The following NFX1 variants were observed in gnomAD, a reference collection of about 807,000 sequenced individuals.
NFX1 encodes nuclear transcription factor, X-box binding 1.
A neutral mutation model predicts 137.2 loss-of-function variants in NFX1; 69 were observed. That is an observed-to-expected ratio of 0.50 (90% CI 0.41 to 0.61). NFX1 has a LOEUF of 0.61. Among genes scored for constraint, NFX1 ranks in the 20% least tolerant of loss-of-function variants. The pLI is 0.00. For synonymous variants in NFX1, 495 were observed against 474.1 expected, an observed-to-expected ratio of 1.04 and a Z score of -0.57; for missense variants, 1,167 against 1,391.0, an observed-to-expected ratio of 0.84 and a Z score of 2.56.
intron 2 of NFX1, among the ~76,000 whole-genome samples, chr9:33,300,525 T>C (rs1401114514): frequency 6.6e-6 from 1 of 152,230 alleles, no homozygotes; most frequent in Non-Finnish European, 1.5e-5. Flanking sequence ...AAAAAGCATA[T>C]ACACACACTC....
chr9:33,315,623 G>C (rs1254928503), intron 7 of NFX1, among the ~76,000 whole-genome samples: 2 of 151,798 alleles, frequency 1.3e-5, no homozygotes, highest in Non-Finnish European at 2.9e-5. Flanking sequence ...GATTGGCCTG[G>C]GCACGGTAGC....
intron 9 of NFX1, among the ~76,000 whole-genome samples, chr9:33,324,940 AAAAG>A (rs1171098358): frequency 3.4e-4 from 52 of 152,018 alleles, no homozygotes; most frequent in African/African-American, 8.4e-4. Context: ...AAAAAAAAAA[AAAAG>A]AAAGAGATTA....
At chr9:33,367,903 C>A (rs1356948808) in intron 23 of NFX1, among the ~76,000 whole-genome samples, 3 of 152,154 alleles carry the variant, frequency 2.0e-5, no homozygotes, top group Non-Finnish European at 4.4e-5. Context: ...GTCTGTCATA[C>A]CAGATAGTTT....
At chr9:33,337,684 A>G (rs142858188) in intron 11 of NFX1, among the ~76,000 whole-genome samples, 2 of 152,276 alleles carry the variant, frequency 1.3e-5, no homozygotes, top group East Asian at 3.9e-4. Context: ...AGCTATGTTA[A>G]TGCTACTGCA....
chr9:33,364,751 A>T lies in NFX1; in HGVS notation c.3016A>T (p.Thr1006Ser), dbSNP rs1824120492. ...CAGTGACGTTGAGAAGGAAATGGAAACCCTCGTGGAGGCCGTGAATAAGGT... is the reference window on the plus strand; with the variant it reads ...CAGTGACGTTGAGAAGGAAATGGAATCCCTCGTGGAGGCCGTGAATAAGGT... ...FVSDVEKEME[T>S]LVEAVNKGKN... Residue 1006 changes from threonine (T) to serine (S), a missense_variant, in exon 21 of 24, where the codon ACC becomes TCC. Around this residue, in one of 3 missense-constraint regions of NFX1, gnomAD observed 312 missense variants for 312.8 expected, o/e 1.00. Transcript: ENST00000379540. The T allele has an allele frequency of 6.2e-7, 1 of 1,613,650 alleles. No homozygotes were observed. Among genetic ancestry groups the T allele is most frequent in the Non-Finnish European group, 8.5e-7 (1 of 1,179,942 alleles).
intron 7 of NFX1, among the ~76,000 whole-genome samples, chr9:33,315,034 C>T: frequency 6.6e-6 from 1 of 152,122 alleles, no homozygotes; most frequent in East Asian, 1.9e-4. Flanking sequence ...CTCTTCCTCT[C>T]CATTACTGCA....
intron 7 of NFX1, among the ~76,000 whole-genome samples, chr9:33,317,597 G>A (rs1001475948): frequency 4.6e-5 from 7 of 151,352 alleles, no homozygotes; most frequent in Admixed American, 2.0e-4. Context: ...TTGGGAGGTC[G>A]AGGCCGCAGT....
chr9:33,341,266 G>A (rs1823209377), intron 12 of NFX1, among the ~76,000 whole-genome samples: 1 of 152,174 alleles, frequency 6.6e-6, no homozygotes, highest in African/African-American at 2.4e-5. Context: ...ATGGCAGCAG[G>A]CAGAGGGAGA....
chr9:33,352,355 G>A, intron 16 of NFX1: 3 of 528,294 alleles, frequency 5.7e-6, no homozygotes, highest in Non-Finnish European at 1.1e-5. Flanking sequence ...TGGGCCTAGG[G>A]CAAGTGTCTG....
At chr9:33,310,161 T>C (rs1364153525) in intron 5 of NFX1, among the ~76,000 whole-genome samples, 6 of 152,078 alleles carry the variant, frequency 3.9e-5, no homozygotes, top group Admixed American at 3.9e-4. Flanking sequence ...TGTTTAGGAG[T>C]TTCATAGAAA....
At chr9:33,347,655 T>A (rs1237939250) in intron 15 of NFX1, 1 of 393,312 alleles carries the variant, frequency 2.5e-6, no homozygotes, top group Non-Finnish European at 5.0e-6. Context: ...ATTTACCGTT[T>A]GATCCAGCAG....
At chr9:33,314,477 G>C (rs1356937039) in intron 7 of NFX1, among the ~76,000 whole-genome samples, 1 of 151,532 alleles carries the variant, frequency 6.6e-6, no homozygotes, top group African/African-American at 2.4e-5. Flanking sequence ...AGCAGATTGA[G>C]ACCAGCCTGG....
chr9:33,343,129 G>T (rs191570755), intron 13 of NFX1, among the ~76,000 whole-genome samples: 1 of 152,156 alleles, frequency 6.6e-6, no homozygotes, highest in East Asian at 1.9e-4. Flanking sequence ...ATTGACCTAG[G>T]TTCTGTCCTC....
At position 33,295,033 on chromosome 9, in the gene NFX1, T is replaced by C; in HGVS notation, c.639T>C (p.Val213=). The C allele has an allele frequency of 6.2e-7, 1 of 1,614,066 alleles. No homozygotes were observed. The highest frequency in any genetic ancestry group is 8.5e-7 in the Non-Finnish European group (1 of 1,180,008). Residue 213 remains valine, a synonymous_variant, in exon 2 of 24, where the codon GTT becomes GTC. Coordinates refer to ENST00000379540, the MANE Select transcript of NFX1 (RefSeq NM_002504.6). ...CCGAAAGTACCAAACCTGTGGGGGTTTTCCACCCTGACTCTTCAGAGGCAT... is the reference window on the plus strand; with the variant it reads ...CCGAAAGTACCAAACCTGTGGGGGTCTTCCACCCTGACTCTTCAGAGGCAT... ...AGPESTKPVG[V]FHPDSSEASS...
At chr9:33,347,161 C>A in intron 15 of NFX1, 44 bp downstream of exon 15, 1 of 1,418,982 alleles carries the variant, frequency 7.0e-7, no homozygotes, top group South Asian at 1.2e-5. Context: ...GGCAGAGGTT[C>A]ATGATTTTAT....
chr9:33,325,498 C>T (rs922968551), intron 9 of NFX1, among the ~76,000 whole-genome samples: 2 of 152,030 alleles, frequency 1.3e-5, no homozygotes, highest in African/African-American at 4.8e-5. Flanking sequence ...CCTGTCTCTA[C>T]TAAAAAATAC....
At chr9:33,350,805 A>G (rs1270384398) in intron 15 of NFX1, among the ~76,000 whole-genome samples, 2 of 152,240 alleles carry the variant, frequency 1.3e-5, no homozygotes, top group Non-Finnish European at 2.9e-5. Flanking sequence ...AGCTTAGGCA[A>G]CATAGTGAGA....
chr9:33,339,075 G>T (rs981447645), intron 12 of NFX1, among the ~76,000 whole-genome samples: 4 of 151,918 alleles, frequency 2.6e-5, no homozygotes, highest in Non-Finnish European at 5.9e-5. Context: ...TAAATCACTA[G>T]CTGGCTATTT....
At chr9:33,351,329 A>T (rs776105034) in intron 15 of NFX1, among the ~76,000 whole-genome samples, 1 of 151,724 alleles carries the variant, frequency 6.6e-6, no homozygotes, top group Admixed American at 6.6e-5. Context: ...GCGTGGTGGC[A>T]TGCACCTGCA....
Sources: gnomAD v4.1 joint callset for allele counts (sites outside exome capture counted in the v4.1 genomes callset) on GRCh38, gnomAD v4.1.1 for gene constraint, gnomAD v4.1.1 regional missense constraint, MANE v1.5 for transcripts, NCBI Gene and HGNC (gene_info 2026-07-23, HGNC 2026-07-21) for gene names.